KCNAB1: variants seen among roughly 807,000 people sequenced by gnomAD.
KCNAB1 encodes the protein voltage-gated potassium channel subunit beta-1.
KCNAB1 carries 35 observed loss-of-function variants against 64.6 expected under a neutral mutation model. That is an observed-to-expected ratio of 0.54 (90% CI 0.41 to 0.72). The LOEUF (loss-of-function observed/expected upper bound fraction) is 0.72. KCNAB1 is among the 30% of genes least tolerant of loss of function. KCNAB1 has a pLI of 0.00. For synonymous variants in KCNAB1, 177 were observed against 183.8 expected (o/e 0.96, Z 0.30); for missense variants, 401 against 512.9 (o/e 0.78, Z 2.11).
chr3:156,365,448 T>G (rs1411414565), intron 1 of KCNAB1, among the ~76,000 whole-genome samples: 2 of 152,216 alleles, frequency 1.3e-5, no homozygotes, highest in Non-Finnish European at 2.9e-5. Context: ...CTCTTTAGCC[T>G]CATAGAATGT....
At chr3:156,362,170 G>C (rs1305393362) in intron 1 of KCNAB1, among the ~76,000 whole-genome samples, 1 of 147,462 alleles carries the variant, frequency 6.8e-6, no homozygotes, top group Non-Finnish European at 1.5e-5. Context: ...AGACTGAAAA[G>C]TGTACAGTGA....
At chr3:156,122,092 C>T (rs1713378295) in intron 1 of KCNAB1, among the ~76,000 whole-genome samples, 1 of 152,134 alleles carries the variant, frequency 6.6e-6, no homozygotes, top group African/African-American at 2.4e-5. Context: ...CTATGAAATA[C>T]ATTTGGTATT....
chr3:156,535,457 C>T (rs1041913237), intron 13 of KCNAB1, among the ~76,000 whole-genome samples: 6 of 152,044 alleles, frequency 3.9e-5, no homozygotes, highest in East Asian at 3.9e-4. Context: ...CATCCTTTCC[C>T]GGGGCTTCAG....
chr3:156,338,105 C>G (rs766604396), intron 1 of KCNAB1, among the ~76,000 whole-genome samples: 5 of 152,050 alleles, frequency 3.3e-5, no homozygotes, highest in Non-Finnish European at 5.9e-5. Context: ...CTCTCTGTGC[C>G]TCTCCAGGTA....
At chr3:156,214,445 C>A (rs558438289) in intron 1 of KCNAB1, among the ~76,000 whole-genome samples, 1 of 152,012 alleles carries the variant, frequency 6.6e-6, no homozygotes, top group Non-Finnish European at 1.5e-5. Context: ...AAAACCCACA[C>A]GTTCGGTATT....
intron 1 of KCNAB1, chr3:156,142,858 G>T: frequency 2.7e-6 from 1 of 372,780 alleles, no homozygotes; most frequent in Non-Finnish European, 3.8e-6. Context: ...ATGGGAAAAA[G>T]TTCCCATATT....
chr3:156,429,484 C>A (rs1409358360), intron 2 of KCNAB1, among the ~76,000 whole-genome samples: 1 of 152,206 alleles, frequency 6.6e-6, no homozygotes, highest in Non-Finnish European at 1.5e-5. Flanking sequence ...ACCAAGAGAA[C>A]TTTCTAGAGC....
At position 156,500,432 on chromosome 3, in the gene KCNAB1, G is replaced by GA. The variant is rs546316370; in HGVS notation, c.659-13924dup. Among the ~76,000 whole-genome samples the GA allele has an allele frequency of 8.9e-4, 134 of 151,398 alleles. 3 individuals carry two copies. In the East Asian group the frequency reaches 0.022, roughly 24 times the overall value. ...TTCAATAACTTACTCCATTTAAAAAGAAAAAAAACCTAATTAATACATCAA... is the reference window on the plus strand; with the variant it reads ...TTCAATAACTTACTCCATTTAAAAAGAAAAAAAAACCTAATTAATACATCAA... On this transcript the variant is annotated intron_variant, in intron 8 of 13. Coordinates refer to ENST00000490337, the MANE Select transcript of KCNAB1 (RefSeq NM_172160.3).
chr3:156,498,071 C>A (rs1716127518), intron 8 of KCNAB1, among the ~76,000 whole-genome samples: 1 of 152,066 alleles, frequency 6.6e-6, no homozygotes, highest in South Asian at 2.1e-4. Flanking sequence ...AAAATTGAAG[C>A]AAGTCAAACA....
intron 1 of KCNAB1, among the ~76,000 whole-genome samples, chr3:156,286,483 A>G (rs887696609): frequency 1.6e-4 from 24 of 152,220 alleles, no homozygotes; most frequent in Non-Finnish European, 2.9e-4. Flanking sequence ...GTGGTTTCCA[A>G]TGGAATATAA....
chr3:156,415,969 C>T (rs926211724), intron 1 of KCNAB1, among the ~76,000 whole-genome samples: 14 of 152,160 alleles, frequency 9.2e-5, no homozygotes, highest in Non-Finnish European at 1.5e-4. Context: ...CACTCTACTT[C>T]GGTGAAAAGC....
chr3:156,292,696 C>T (rs1330973299), intron 1 of KCNAB1, among the ~76,000 whole-genome samples: 1 of 152,148 alleles, frequency 6.6e-6, no homozygotes, highest in Admixed American at 6.5e-5. Flanking sequence ...CACCTGCCAC[C>T]ACACCCGGCT....
intron 13 of KCNAB1, among the ~76,000 whole-genome samples, chr3:156,534,694 G>A (rs552697471): frequency 1.3e-5 from 2 of 152,194 alleles, no homozygotes; most frequent in African/African-American, 4.8e-5. Context: ...ACCCAATCCT[G>A]GGAGGACTTT....
intron 1 of KCNAB1, among the ~76,000 whole-genome samples, chr3:156,261,902 C>T (rs774230100): frequency 1.3e-5 from 2 of 151,868 alleles, no homozygotes; most frequent in South Asian, 2.1e-4. Flanking sequence ...TGCTCAGTAA[C>T]GTTTTGTAGT....
intron 1 of KCNAB1, chr3:156,273,703 G>A (rs1230739423): frequency 2.2e-6 from 1 of 452,792 alleles, no homozygotes; most frequent in Admixed American, 2.4e-5. Context: ...GCTGATGTTT[G>A]GTTCTTAGGA....
intron 1 of KCNAB1, among the ~76,000 whole-genome samples, chr3:156,242,304 T>G (rs1717205290): frequency 6.6e-6 from 1 of 152,184 alleles, no homozygotes; most frequent in Admixed American, 6.5e-5. Flanking sequence ...TAATTTTTTA[T>G]TTCCCTAAGT....
At chr3:156,259,786 CTG>C (rs1718321642) in intron 1 of KCNAB1, among the ~76,000 whole-genome samples, 1 of 152,190 alleles carries the variant, frequency 6.6e-6, no homozygotes, top group Non-Finnish European at 1.5e-5. Context: ...AGCTCTCGCT[CTG>C]TGACCTCCAT....
Position 156,465,304 on chromosome 3 carries a change from C to T in KCNAB1, c.528-339C>T, listed in dbSNP as rs115234463. 9.3e-3 allele frequency among the ~76,000 whole-genome samples: 1,423 copies of T among 152,282 alleles called. 12 individuals carry two copies. Among genetic ancestry groups the T allele is most frequent in the Non-Finnish European group, 0.016 (1,099 of 67,998 alleles). On this transcript the variant is annotated intron_variant, in intron 6 of 13. Coordinates refer to ENST00000490337, the MANE Select transcript of KCNAB1 (RefSeq NM_172160.3). Reference sequence around the variant, plus strand: ...AATAAACTCACAAACCTATGTCAAGCCTTTTTATTTTCTCTAGATTGGTTA... The same window carrying T: ...AATAAACTCACAAACCTATGTCAAGTCTTTTTATTTTCTCTAGATTGGTTA...
chr3:156,514,038 G>A (rs1029241433), intron 8 of KCNAB1, among the ~76,000 whole-genome samples: 2 of 151,978 alleles, frequency 1.3e-5, no homozygotes. Context: ...CTCTTAAAAA[G>A]GTAAATCATG....
Sources: allele counts gnomAD v4.1 joint callset (sites outside exome capture counted in the v4.1 genomes callset), GRCh38; gene constraint gnomAD v4.1.1; transcripts MANE v1.5; gene names NCBI Gene and HGNC (gene_info 2026-07-23, HGNC 2026-07-21).